The following B3GNT6 variants were observed in gnomAD, a reference collection of about 807,000 sequenced individuals.
B3GNT6 encodes the protein acetylgalactosaminyl-O-glycosyl-glycoprotein beta-1,3-N-acetylglucosaminyltransferase.
For synonymous variants in B3GNT6, 300 were observed against 270.0 expected, an observed-to-expected ratio of 1.11 and a Z score of -1.09; for missense variants, 624 against 568.6, an observed-to-expected ratio of 1.10 and a Z score of -0.99.
chr11:77,040,726 G>T lies in B3GNT6; in HGVS notation c.*20G>T, dbSNP rs782442434. The stretch of plus-strand genomic sequence containing the variant: ...TCCTGAGGCCAGTTGGGCGGCTTCA[G>T]CCCCGGGCCTCCAACCATGTCCATG... On this transcript the variant is annotated 3_prime_UTR_variant, in exon 2 of 2. Coordinates refer to ENST00000622824, the MANE Select transcript of B3GNT6 (RefSeq NM_138706.5). 54 of 1,543,426 alleles carry T rather than the reference G, an allele frequency of 3.5e-5. No homozygotes were observed. In the East Asian group the frequency reaches 1.2e-3, roughly 35 times the overall value.
At chr11:77,036,157 A>G (rs1289962803) in intron 1 of B3GNT6, among the ~76,000 whole-genome samples, 1 of 151,720 alleles carries the variant, frequency 6.6e-6, no homozygotes, top group Non-Finnish European at 1.5e-5. Context: ...TCATTCATTG[A>G]AAAAAAAATA....
Position 77,040,848 on chromosome 11 carries a change from G to A in B3GNT6, c.*142G>A. 5.3e-6 allele frequency: 7 copies of A among 1,331,690 alleles called. No homozygotes were observed. The highest frequency in any genetic ancestry group is 2.8e-5 in the East Asian group (1 of 36,336). The allele number at this position is 1,331,690 out of a possible 1,614,324, so 82.5% of individuals were successfully genotyped here. ...GCACTGAAATCAGCTGGGGTGGGGGGTGTGGAAAATGCCTACATCCTGGCT... is the reference window on the plus strand; with the variant it reads ...GCACTGAAATCAGCTGGGGTGGGGGATGTGGAAAATGCCTACATCCTGGCT... On this transcript the variant is annotated 3_prime_UTR_variant, in exon 2 of 2. Coordinates refer to ENST00000622824, the MANE Select transcript of B3GNT6 (RefSeq NM_138706.5).
intron 1 of B3GNT6, among the ~76,000 whole-genome samples, chr11:77,035,489 G>C (rs782608326): frequency 6.6e-6 from 1 of 152,220 alleles, no homozygotes; most frequent in African/African-American, 2.4e-5. Flanking sequence ...GTAAGTGGCA[G>C]ATTTGTCCTC....
rs1555027568 is a variant in B3GNT6, at chr11:77,040,027, C to A, written c.476C>A (p.Thr159Asn). ...RPVRRLFLLG[T>N]PGPEDEARAE... ...GTGCGCCGCCTCTTTCTATTGGGCA[C>A]CCCGGGCCCCGAGGACGAGGCGCGC... The change falls in exon 2 of 2, where the codon ACC (threonine) becomes AAC (asparagine). Residue 159 changes from threonine (T) to asparagine (N), a missense_variant. Transcript: ENST00000622824. The A allele has an allele frequency of 3.2e-6, 5 of 1,577,878 alleles. No individual in the cohort carries two copies. Among genetic ancestry groups the A allele is most frequent in the Admixed American group, 3.5e-5 (2 of 57,030 alleles).
Position 77,039,707 on chromosome 11 carries a change from C to T in B3GNT6, c.156C>T (p.Thr52=). 3 of 1,608,296 alleles carry T rather than the reference C, an allele frequency of 1.9e-6. No individual in the cohort carries two copies. Among genetic ancestry groups the T allele is most frequent in the Non-Finnish European group, 2.5e-6 (3 of 1,178,344 alleles). ...SPQEETPEGP[T]DAPAADEPPS... ...AGGAGGAGACGCCAGAGGGTCCCACCGACGCTCCCGCGGCTGACGAGCCGC... is the reference window on the plus strand; with the variant it reads ...AGGAGGAGACGCCAGAGGGTCCCACTGACGCTCCCGCGGCTGACGAGCCGC... The change falls in exon 2 of 2, where the codon ACC becomes ACT. Residue 52 remains threonine (T), a synonymous_variant. Coordinates refer to ENST00000622824, the MANE Select transcript of B3GNT6 (RefSeq NM_138706.5).
intron 1 of B3GNT6, among the ~76,000 whole-genome samples, chr11:77,038,402 A>C (rs1555027244): frequency 1.5e-5 from 1 of 68,184 alleles, no homozygotes; most frequent in Non-Finnish European, 3.9e-5. Flanking sequence ...TCTACAGAAA[A>C]AAAAAAAAAA....
intron 1 of B3GNT6, among the ~76,000 whole-genome samples, chr11:77,036,599 T>C (rs1949634748): frequency 6.6e-6 from 1 of 152,264 alleles, no homozygotes; most frequent in Non-Finnish European, 1.5e-5. Context: ...CTGAATACTA[T>C]GTGCCAAGGA....
chr11:77,035,403 T>C (rs1555026812), intron 1 of B3GNT6, among the ~76,000 whole-genome samples: 1 of 152,238 alleles, frequency 6.6e-6, no homozygotes, highest in South Asian at 2.1e-4. Flanking sequence ...AATTAACTCA[T>C]ATAATTCTGA....
Position 77,039,567 on chromosome 11 carries a change from C to T in B3GNT6, c.16C>T (p.Arg6Cys), listed in dbSNP as rs371417274. 8 of 1,580,226 alleles carry T rather than the reference C, an allele frequency of 5.1e-6. No individual in the cohort carries two copies. In the African/African-American group the frequency reaches 6.8e-5, roughly 14 times the overall value. ...TCCCCCACAGATGGCTTTTCCCTGC[C>T]GCAGGTCCCTGACTGCCAAGACTCT... MAFPC[R>C]RSLTAKTLAC... The change falls in exon 2 of 2, where the codon CGC becomes TGC. Residue 6 changes from arginine to cysteine, a missense_variant. Arg to Cys is a radical substitution (Grantham distance 180). Coordinates refer to ENST00000622824, the MANE Select transcript of B3GNT6 (RefSeq NM_138706.5).
In B3GNT6 at chr11:77,040,969, C is replaced by T; in HGVS notation, c.*263C>T. The T allele has an allele frequency of 4.2e-6, 2 of 481,496 alleles. No individual in the cohort carries two copies. Among genetic ancestry groups the T allele is most frequent in the South Asian group, 5.0e-5 (1 of 20,038 alleles). The allele number at this position is 481,496 out of a possible 1,614,324, so 29.8% of individuals were successfully genotyped here. A position where few individuals can be genotyped will look rare whatever the true frequency, so the allele number is the denominator to read the frequency against. On this transcript the variant is annotated 3_prime_UTR_variant, in exon 2 of 2. Coordinates refer to ENST00000622824, the MANE Select transcript of B3GNT6 (RefSeq NM_138706.5). Reference sequence around the variant, plus strand: ...CCAGTGATGCGAATGTGCAGCTAGGCCTGAGGACCACTCGGCTAGACTATC... The same window carrying T: ...CCAGTGATGCGAATGTGCAGCTAGGTCTGAGGACCACTCGGCTAGACTATC...
In B3GNT6 at chr11:77,040,416, G is replaced by C. The variant is rs782639298; in HGVS notation, c.865G>C (p.Gly289Arg). 1.3e-6 allele frequency: 2 copies of C among 1,528,992 alleles called. No individual in the cohort carries two copies. Among genetic ancestry groups the C allele is most frequent in the Non-Finnish European group, 1.7e-6 (2 of 1,143,890 alleles). 94.7% of individuals were successfully genotyped at this position (1,528,992 alleles called of 1,614,324 possible). A position where few individuals can be genotyped will look rare whatever the true frequency, so the allele number is the denominator to read the frequency against. Residue 289 changes from glycine to arginine, a missense_variant, in exon 2 of 2, where the codon GGC (glycine) becomes CGC (arginine). Coordinates refer to ENST00000622824, the MANE Select transcript of B3GNT6 (RefSeq NM_138706.5). The part of the protein sequence containing the change: ...YCSGGGFLLS[G>R]PTARALRAAA... ...CAGCGGCGGCGGCTTCCTCCTGTCC[G>C]GCCCCACGGCCCGGGCCCTGCGCGC...
intron 1 of B3GNT6, among the ~76,000 whole-genome samples, chr11:77,036,886 T>G (rs1208557796): frequency 1.3e-5 from 2 of 152,204 alleles, no homozygotes; most frequent in African/African-American, 2.4e-5. Flanking sequence ...ACAAATCACA[T>G]GCTGAGAATG....
intron 1 of B3GNT6, among the ~76,000 whole-genome samples, chr11:77,038,037 ATAG>A (rs1949649090): frequency 9.5e-4 from 1 of 1,050 alleles, no homozygotes; most frequent in Non-Finnish European, 2.2e-3. Context: ...GAGGAGAGGG[ATAG>A]GATGGGAGGG....
At position 77,039,783 on chromosome 11, in the gene B3GNT6, G is replaced by A; in HGVS notation, c.232G>A (p.Ala78Thr). ...PPCVANASAN[A>T]TADFEQLPAR... ...GTGCGTGGCGAACGCCTCGGCGAAC[G>A]CCACGGCCGACTTCGAGCAGCTGCC... The change falls in exon 2 of 2, where the codon GCC (alanine) becomes ACC (threonine). Residue 78 changes from alanine to threonine, a missense_variant. Coordinates refer to ENST00000622824, the MANE Select transcript of B3GNT6 (RefSeq NM_138706.5). 2 of 1,583,210 alleles carry A rather than the reference G, an allele frequency of 1.3e-6. No individual in the cohort carries two copies. The highest frequency in any genetic ancestry group is 1.1e-5 in the South Asian group (1 of 89,270).
intron 1 of B3GNT6, among the ~76,000 whole-genome samples, chr11:77,036,410 T>C (rs1949633682): frequency 6.6e-6 from 1 of 152,256 alleles, no homozygotes; most frequent in Non-Finnish European, 1.5e-5. Context: ...ATTCTTTCAC[T>C]GAATGCCTGC....
At chr11:77,035,111 A>G (rs1322405398) in intron 1 of B3GNT6, among the ~76,000 whole-genome samples, 1 of 151,226 alleles carries the variant, frequency 6.6e-6, no homozygotes, top group African/African-American at 2.5e-5. Context: ...CTGAGTCGAG[A>G]AAAAGAAAAA....
rs1949666297 is a variant in B3GNT6, at chr11:77,039,711, G to C, written c.160G>C (p.Ala54Pro). Residue 54 changes from alanine to proline, a missense_variant, in exon 2 of 2, where the codon GCT becomes CCT. By Grantham distance (27) the Ala-to-Pro change is conservative (BLOSUM62 -1). Coordinates refer to ENST00000622824, the MANE Select transcript of B3GNT6 (RefSeq NM_138706.5). ...GGAGACGCCAGAGGGTCCCACCGACGCTCCCGCGGCTGACGAGCCGCCCTC... is the reference window on the plus strand; with the variant it reads ...GGAGACGCCAGAGGGTCCCACCGACCCTCCCGCGGCTGACGAGCCGCCCTC... ...QEETPEGPTD[A>P]PAADEPPSEL... The C allele has an allele frequency of 4.4e-6, 7 of 1,606,354 alleles. No individual in the cohort carries two copies. Among genetic ancestry groups the C allele is most frequent in the Admixed American group, 3.4e-5 (2 of 59,280 alleles).
In B3GNT6 at chr11:77,040,780, A is replaced by G. The variant is rs1440532831; in HGVS notation, c.*74A>G. 22 of 1,473,782 alleles carry G rather than the reference A, an allele frequency of 1.5e-5. No individual in the cohort carries two copies. In the East Asian group the frequency reaches 2.4e-4, roughly 16 times the overall value. 91.3% of individuals were successfully genotyped at this position (1,473,782 alleles called of 1,614,324 possible). On this transcript the variant is annotated 3_prime_UTR_variant, in exon 2 of 2. Transcript: ENST00000622824. ...AGAAGGCAGCTTTCCCGCTCTGGGT[A>G]CCTTACGTCCTGCCCAGCTCTGTGC...
At position 77,036,240 on chromosome 11, in the gene B3GNT6, T is replaced by C. The variant is rs367791006; in HGVS notation, c.-1+1762T>C. 5.3e-5 allele frequency among the ~76,000 whole-genome samples: 8 copies of C among 152,344 alleles called. No homozygotes were observed. In the South Asian group the frequency reaches 1.7e-3, roughly 32 times the overall value. On this transcript the variant is annotated intron_variant, in intron 1 of 1. Coordinates refer to ENST00000622824, the MANE Select transcript of B3GNT6 (RefSeq NM_138706.5). ...AGTTGACGGTAAAAGAGACATAGCT[T>C]ATCTCGCAAGCCCTCTTCTCACAGT...
Sources: gnomAD v4.1 joint callset for allele counts (sites outside exome capture counted in the v4.1 genomes callset) on GRCh38, gnomAD v4.1.1 for gene constraint, MANE v1.5 for transcripts, NCBI Gene and HGNC (gene_info 2026-07-23, HGNC 2026-07-21) for gene names.